The following LYN variants were observed in gnomAD, a reference collection of about 807,000 sequenced individuals.
The protein encoded by LYN is tyrosine-protein kinase Lyn.
LYN carries 12 observed loss-of-function variants against 65.0 expected under a neutral mutation model. The observed-to-expected ratio is 0.18, with a 90% confidence interval of 0.12 to 0.30. LYN has a LOEUF of 0.30. Ranked by LOEUF, LYN falls within the 10% of genes least tolerant of loss-of-function variation. The pLI, the probability that LYN is intolerant of heterozygous loss-of-function variation, is 1.00. For missense variants in LYN, 380 were observed against 623.2 expected, an observed-to-expected ratio of 0.61 and a Z score of 4.16; for synonymous variants, 222 against 221.2, an observed-to-expected ratio of 1.00 and a Z score of -0.03.
chr8:55,966,619 C>A (rs1046821992), intron 8 of LYN, 96 bp from the exon 9 acceptor site: 4 of 1,080,004 alleles, frequency 3.7e-6, no homozygotes, highest in Non-Finnish European at 5.3e-6. Flanking sequence ...CCACTCACCT[C>A]GACCTCCCAA....
intron 8 of LYN, among the ~76,000 whole-genome samples, chr8:55,959,874 A>T (rs1304245632): frequency 6.6e-6 from 1 of 152,192 alleles, no homozygotes; most frequent in Non-Finnish European, 1.5e-5. Context: ...TTTATGGATG[A>T]CTTATAATAA....
At chr8:55,933,077 G>A (rs530123474) in intron 1 of LYN, among the ~76,000 whole-genome samples, 3 of 152,286 alleles carry the variant, frequency 2.0e-5, no homozygotes, top group Non-Finnish European at 2.9e-5. Context: ...ACATACCCAT[G>A]TAACAAACCT....
chr8:55,916,581 A>G (rs1238933379), intron 1 of LYN, among the ~76,000 whole-genome samples: 4 of 151,764 alleles, frequency 2.6e-5, no homozygotes, highest in Non-Finnish European at 5.9e-5. Flanking sequence ...GTGTTTGACG[A>G]TGATCCCTGA....
intron 1 of LYN, among the ~76,000 whole-genome samples, chr8:55,928,891 A>G (rs1806186545): frequency 6.6e-6 from 1 of 151,738 alleles, no homozygotes; most frequent in Admixed American, 6.6e-5. Flanking sequence ...ATCTCCTAGG[A>G]GTTTTATAGT....
chr8:55,952,694 T>G (rs1806985778), intron 7 of LYN, among the ~76,000 whole-genome samples: 1 of 152,218 alleles, frequency 6.6e-6, no homozygotes, highest in Non-Finnish European at 1.5e-5. Context: ...GTTCCACAAT[T>G]ACCAAGAGAA....
intron 10 of LYN, 85 bp downstream of exon 10, chr8:55,969,878 G>C: frequency 6.9e-6 from 8 of 1,162,264 alleles, no homozygotes; most frequent in Non-Finnish European, 1.0e-5. Flanking sequence ...TTGTTCCAGG[G>C]AGAAGGAATT....
At chr8:55,903,197 TG>T (rs758025228) in intron 1 of LYN, among the ~76,000 whole-genome samples, 2 of 151,654 alleles carry the variant, frequency 1.3e-5, no homozygotes, top group Non-Finnish European at 2.9e-5. Flanking sequence ...TTCACCATGT[TG>T]GCCAGGCTGG....
At chr8:55,924,065 CTT>C (rs75288345) in intron 1 of LYN, among the ~76,000 whole-genome samples, 10 of 135,068 alleles carry the variant, frequency 7.4e-5, no homozygotes, top group African/African-American at 8.4e-5. Context: ...CTTTTTCTTT[CTT>C]TTTTTTTTTT....
intron 10 of LYN, among the ~76,000 whole-genome samples, chr8:55,995,845 C>T (rs533774877): frequency 2.0e-5 from 3 of 152,094 alleles, no homozygotes; most frequent in East Asian, 1.9e-4. Context: ...TGTTTCCACT[C>T]GGAAGTGAAA....
intron 7 of LYN, 35 bp downstream of exon 7, chr8:55,952,150 A>G: frequency 1.3e-6 from 2 of 1,537,846 alleles, no homozygotes; most frequent in Middle Eastern, 1.7e-4. Flanking sequence ...AAGACAAGAT[A>G]TATTTGTTAT....
At chr8:56,008,424 A>G (rs1808732029) in intron 12 of LYN, among the ~76,000 whole-genome samples, 1 of 152,202 alleles carries the variant, frequency 6.6e-6, no homozygotes. Context: ...CATATGCCAG[A>G]TATTGTATAT....
chr8:55,898,024 A>C (rs1805166745), intron 1 of LYN, among the ~76,000 whole-genome samples: 2 of 152,194 alleles, frequency 1.3e-5, no homozygotes. Flanking sequence ...TGTTTTTTAA[A>C]TCAACTTTAA....
At chr8:55,989,962 G>T (rs1390146842) in intron 10 of LYN, among the ~76,000 whole-genome samples, 1 of 152,156 alleles carries the variant, frequency 6.6e-6, no homozygotes, top group Non-Finnish European at 1.5e-5. Context: ...TGATTGGCCA[G>T]GCACAGTGAC....
chr8:55,952,129 G>A lies in LYN; in HGVS notation c.637+14G>A. On this transcript the variant is annotated intron_variant, in intron 7 of 12. Transcript: ENST00000519728. ...AACATTACCAAAGTAAGTAAAAACTGAAGGTTCAACAAGACAAGATATATT... is the reference window on the plus strand; with the variant it reads ...AACATTACCAAAGTAAGTAAAAACTAAAGGTTCAACAAGACAAGATATATT... 1 of 1,571,744 alleles carries A rather than the reference G, an allele frequency of 6.4e-7. No homozygotes were observed. Among genetic ancestry groups the A allele is most frequent in the Non-Finnish European group, 8.6e-7 (1 of 1,164,446 alleles).
chr8:55,903,887 G>T (rs755723528), intron 1 of LYN, among the ~76,000 whole-genome samples: 7 of 152,130 alleles, frequency 4.6e-5, no homozygotes, highest in Non-Finnish European at 8.8e-5. Flanking sequence ...ATGGTGGCAT[G>T]GCCCTGTAGT....
At chr8:55,951,236 G>T (rs1179355649) in intron 6 of LYN, among the ~76,000 whole-genome samples, 1 of 151,418 alleles carries the variant, frequency 6.6e-6, no homozygotes, top group Non-Finnish European at 1.5e-5. Flanking sequence ...GACAGAGTGA[G>T]GCACTGTCTC....
At chr8:55,974,383 A>G (rs913986875) in intron 10 of LYN, among the ~76,000 whole-genome samples, 8 of 152,254 alleles carry the variant, frequency 5.3e-5, no homozygotes, top group Non-Finnish European at 8.8e-5. Context: ...TTTTACCCCC[A>G]GTATTAAATT....
In LYN at chr8:55,948,051, G is replaced by A. The variant is rs1429625896; in HGVS notation, c.284+328G>A. ...TGCAGTGGCATGATCATAGCTCACTGCAGCCTTGAACTCCTAGGCTAAAGC... is the reference window on the plus strand; with the variant it reads ...TGCAGTGGCATGATCATAGCTCACTACAGCCTTGAACTCCTAGGCTAAAGC... On this transcript the variant is annotated intron_variant, in intron 4 of 12. Coordinates refer to ENST00000519728, the MANE Select transcript of LYN (RefSeq NM_002350.4). 2.0e-5 allele frequency among the ~76,000 whole-genome samples: 3 copies of A among 151,988 alleles called. No homozygotes were observed. The South Asian group carries it at 6.2e-4, about 31-fold the overall frequency.
intron 5 of LYN, 34 bp from the exon 6 acceptor site, chr8:55,950,647 A>G (rs118169544): frequency 2.1e-5 from 34 of 1,582,426 alleles, no homozygotes; most frequent in African/African-American, 4.0e-5. Flanking sequence ...GCCGTGGAAC[A>G]TAATATGCAG....
Sources: allele counts gnomAD v4.1 joint callset (sites outside exome capture counted in the v4.1 genomes callset), GRCh38; gene constraint gnomAD v4.1.1; transcripts MANE v1.5; gene names NCBI Gene and HGNC (gene_info 2026-07-23, HGNC 2026-07-21).